The following AUTS2 variants were observed in gnomAD, a reference collection of about 807,000 sequenced individuals.
The protein encoded by AUTS2 is autism susceptibility gene 2 protein.
AUTS2 carries 17 observed loss-of-function variants against 112.4 expected under a neutral mutation model. That is an observed-to-expected ratio of 0.15 (90% CI 0.10 to 0.23). The LOEUF (loss-of-function observed/expected upper bound fraction) is 0.23, where lower values mean the gene tolerates loss of function less well. Ranked by LOEUF, AUTS2 falls within the 10% of genes least tolerant of loss-of-function variation. The probability of loss-of-function intolerance (pLI) is 1.00; values close to 1 mark genes in which losing one functional copy is unlikely to be tolerated. For missense variants in AUTS2, 1,510 were observed against 1,701.6 expected (o/e 0.89, Z 1.98); for synonymous variants, 751 against 702.7 (o/e 1.07, Z -1.09).
At chr7:70,019,685 C>T (rs1800188883) in intron 2 of AUTS2, among the ~76,000 whole-genome samples, 1 of 152,074 alleles carries the variant, frequency 6.6e-6, no homozygotes, top group Admixed American at 6.6e-5. Flanking sequence ...TAACACCTAC[C>T]CCATAGAGTT....
At position 69,684,339 on chromosome 7, in the gene AUTS2, A is replaced by G. The variant is rs1270465336; in HGVS notation, c.309+84377A>G. ...CTGAGATAGCAGCTCCCACAGGCCT[A>G]GGAGCCTTCTTTCATGAGCTTGCTG... On this transcript the variant is annotated intron_variant, in intron 1 of 18. Transcript: ENST00000342771. 2.0e-5 allele frequency among the ~76,000 whole-genome samples: 3 copies of G among 152,184 alleles called. No individual in the cohort carries two copies. In the East Asian group the frequency reaches 5.8e-4, roughly 29 times the overall value.
intron 2 of AUTS2, among the ~76,000 whole-genome samples, chr7:69,916,618 C>G (rs1033574687): frequency 1.2e-4 from 18 of 152,284 alleles, no homozygotes; most frequent in Middle Eastern, 3.4e-3. Context: ...TCCTTCCTTA[C>G]TGTGTGCACC....
At chr7:70,356,647 C>T (rs1792024806) in intron 4 of AUTS2, among the ~76,000 whole-genome samples, 1 of 152,118 alleles carries the variant, frequency 6.6e-6, no homozygotes, top group South Asian at 2.1e-4. Flanking sequence ...GCAGTGTGTA[C>T]TCAGTTATAG....
chr7:70,467,542 T>C (rs906873330), intron 5 of AUTS2, among the ~76,000 whole-genome samples: 1 of 152,238 alleles, frequency 6.6e-6, no homozygotes, highest in Non-Finnish European at 1.5e-5. Flanking sequence ...CTGTTAGTGT[T>C]TATTGAATAC....
intron 4 of AUTS2, among the ~76,000 whole-genome samples, chr7:70,278,623 A>C (rs1032218664): frequency 6.6e-6 from 1 of 151,602 alleles, no homozygotes; most frequent in Non-Finnish European, 1.5e-5. Context: ...ACATACATAC[A>C]TATGTACATG....
chr7:70,773,482 C>A (rs763768591), intron 11 of AUTS2, among the ~76,000 whole-genome samples: 20 of 152,190 alleles, frequency 1.3e-4, no homozygotes, highest in Non-Finnish European at 1.3e-4. Context: ...TCCGCAAGGT[C>A]CCTAAATTAG....
intron 5 of AUTS2, among the ~76,000 whole-genome samples, chr7:70,642,438 T>G (rs1310051353): frequency 6.6e-6 from 1 of 152,248 alleles, no homozygotes; most frequent in Non-Finnish European, 1.5e-5. Context: ...ATTAGCTTCA[T>G]AGTTTTATTT....
At chr7:70,115,009 G>A (rs551408365) in intron 2 of AUTS2, among the ~76,000 whole-genome samples, 1 of 152,290 alleles carries the variant, frequency 6.6e-6, no homozygotes, top group African/African-American at 2.4e-5. Context: ...TGGATTTTAT[G>A]TAAGGCTCTC....
intron 6 of AUTS2, among the ~76,000 whole-genome samples, chr7:70,737,189 A>C (rs1204420790): frequency 1.3e-5 from 2 of 152,168 alleles, no homozygotes; most frequent in African/African-American, 4.8e-5. Context: ...TGGGTAGTGC[A>C]TGCAGGCTAA....
chr7:69,844,345 C>T (rs1792104651), intron 1 of AUTS2, among the ~76,000 whole-genome samples: 1 of 152,120 alleles, frequency 6.6e-6, no homozygotes, highest in Non-Finnish European at 1.5e-5. Flanking sequence ...TTACTGATAA[C>T]CGAATGAAAT....
At chr7:70,243,233 G>GTA (rs1225677366) in intron 4 of AUTS2, among the ~76,000 whole-genome samples, 1 of 13,604 alleles carries the variant, frequency 7.4e-5, no homozygotes, top group Admixed American at 1.0e-3. Flanking sequence ...ATGTATCCTT[G>GTA]TGTGTGTGTG....
chr7:69,801,023 A>G (rs957388144), intron 1 of AUTS2, among the ~76,000 whole-genome samples: 6 of 152,060 alleles, frequency 3.9e-5, no homozygotes, highest in African/African-American at 1.4e-4. Context: ...CATTTCCCCT[A>G]GAATAACTTA....
chr7:69,612,409 A>G (rs567267309), intron 1 of AUTS2, among the ~76,000 whole-genome samples: 2 of 151,594 alleles, frequency 1.3e-5, no homozygotes, highest in South Asian at 4.2e-4. Flanking sequence ...GGGAGTTAAG[A>G]CTAGAACCTT....
chr7:70,254,781 T>C (rs1786771460), intron 4 of AUTS2, among the ~76,000 whole-genome samples: 1 of 152,216 alleles, frequency 6.6e-6, no homozygotes, highest in African/African-American at 2.4e-5. Flanking sequence ...CTAGAACAGA[T>C]GGTTCTTCTG....
intron 5 of AUTS2, among the ~76,000 whole-genome samples, chr7:70,545,843 G>A (rs562476255): frequency 2.0e-5 from 3 of 152,208 alleles, no homozygotes; most frequent in East Asian, 1.9e-4. Context: ...CAGTTCTTCC[G>A]AGCCTTCATA....
At chr7:70,503,945 C>T in intron 5 of AUTS2, among the ~76,000 whole-genome samples, 1 of 151,728 alleles carries the variant, frequency 6.6e-6, no homozygotes. Flanking sequence ...CATCTCCCCT[C>T]CGCTCAAGAT....
Position 69,760,400 on chromosome 7 carries a change from C to T in AUTS2, c.310-138886C>T, listed in dbSNP as rs187637625. On this transcript the variant is annotated intron_variant, in intron 1 of 18. Transcript: ENST00000342771. ...TAGTAAGAAAAGGGAAACCATAATT[C>T]CAGACCACAGAGAAGGACTTCTTTA... 9.9e-5 allele frequency among the ~76,000 whole-genome samples: 15 copies of T among 151,396 alleles called. No individual in the cohort carries two copies. In the East Asian group the frequency reaches 2.9e-3, roughly 29 times the overall value.
intron 2 of AUTS2, among the ~76,000 whole-genome samples, chr7:69,961,897 C>T (rs1022518920): frequency 2.0e-5 from 3 of 152,044 alleles, no homozygotes; most frequent in Non-Finnish European, 2.9e-5. Context: ...CTCATACAAC[C>T]TCAAGGAATT....
chr7:70,135,493 T>C (rs936504460), intron 4 of AUTS2, among the ~76,000 whole-genome samples: 9 of 152,266 alleles, frequency 5.9e-5, no homozygotes, highest in Non-Finnish European at 4.4e-5. Flanking sequence ...TAATTCACTT[T>C]AGTTGCTTTT....
Sources: allele counts gnomAD v4.1 joint callset (sites outside exome capture counted in the v4.1 genomes callset), GRCh38; gene constraint gnomAD v4.1.1; transcripts MANE v1.5; gene names NCBI Gene and HGNC (gene_info 2026-07-23, HGNC 2026-07-21).